The following HABP2 variants were observed in gnomAD, a reference collection of about 807,000 sequenced individuals.
HABP2 encodes the protein hyaluronan binding protein 2, also known as factor VII-activating protease.
HABP2 carries 65 observed loss-of-function variants against 66.5 expected under a neutral mutation model. The observed-to-expected ratio is 0.98, with a 90% CI of 0.80 to 1.20. HABP2 has a LOEUF of 1.20. HABP2 is among the 50% of genes most tolerant of loss of function. The pLI is 0.00. For missense variants in HABP2, 786 were observed against 691.0 expected (o/e 1.14, Z -1.54); for synonymous variants, 263 against 253.9 (o/e 1.04, Z -0.34).
chr10:113,583,521 G>T (rs1845580328), intron 10 of HABP2, among the ~76,000 whole-genome samples, 163 bp downstream of exon 10: 1 of 152,180 alleles, frequency 6.6e-6, no homozygotes, highest in South Asian at 2.1e-4. Flanking sequence ...GTTTTTGAGG[G>T]TATGTGCAAA....
At chr10:113,577,340 G>A in intron 5 of HABP2, 74 bp downstream of exon 5, 1 of 801,526 alleles carries the variant, frequency 1.2e-6, no homozygotes, top group East Asian at 2.5e-5. Context: ...TGCATGGAAG[G>A]CCAGATGCAT....
At chr10:113,562,205 G>A (rs1284312411) in intron 1 of HABP2, among the ~76,000 whole-genome samples, 1 of 152,222 alleles carries the variant, frequency 6.6e-6, no homozygotes, top group Non-Finnish European at 1.5e-5. Flanking sequence ...TTTAAGAGAA[G>A]ACGGGTCAGC....
Position 113,575,934 on chromosome 10 carries a change from C to G in HABP2, c.261C>G (p.Asp87Glu). Reference protein sequence around the residue: ...CQPNPCEHGGDCLVHGSTFTC... With the variant: ...CQPNPCEHGGECLVHGSTFTC... ...CCAACCCCTGTGAACACGGTGGGGA[C>G]TGCCTCGTCCATGGGAGCACCTTCA... The change falls in exon 4 of 13, where the codon GAC (aspartate) becomes GAG (glutamate). Residue 87 changes from aspartate (D) to glutamate (E), a missense_variant. By Grantham distance (45) the Asp-to-Glu change is conservative. Coordinates refer to ENST00000351270, the MANE Select transcript of HABP2 (RefSeq NM_004132.5). 6 of 1,612,150 alleles carry G rather than the reference C, an allele frequency of 3.7e-6. No homozygotes were observed. The highest frequency in any genetic ancestry group is 4.2e-6 in the Non-Finnish European group (5 of 1,178,172).
intron 2 of HABP2, among the ~76,000 whole-genome samples, chr10:113,568,674 G>A (rs1845246185): frequency 1.3e-5 from 2 of 152,176 alleles, no homozygotes; most frequent in South Asian, 4.1e-4. Flanking sequence ...CCACCCACAC[G>A]TGGAGTCCAG....
Position 113,578,135 on chromosome 10 carries a change from C to T in HABP2, c.558C>T (p.Phe186=), listed in dbSNP as rs1330079130. ...CACPDQFKGK[F]CEIGSDDCYV... is the part of the protein sequence containing the mutation. ...GTCCCGACCAGTTCAAGGGGAAATTCTGTGAAATAGGTATGGGTCTCTGCC... is the reference window on the plus strand; with the variant it reads ...GTCCCGACCAGTTCAAGGGGAAATTTTGTGAAATAGGTATGGGTCTCTGCC... The change falls in exon 6 of 13, where the codon TTC becomes TTT. Residue 186 remains phenylalanine, a synonymous_variant. Coordinates refer to ENST00000351270, the MANE Select transcript of HABP2 (RefSeq NM_004132.5). 1 of 1,614,132 alleles carries T rather than the reference C, an allele frequency of 6.2e-7. No homozygotes were observed. The highest frequency in any genetic ancestry group is 8.5e-7 in the Non-Finnish European group (1 of 1,179,988).
At chr10:113,579,772 T>G (rs1031864215) in intron 7 of HABP2, among the ~76,000 whole-genome samples, 3 of 151,512 alleles carry the variant, frequency 2.0e-5, no homozygotes, top group African/African-American at 7.3e-5. Flanking sequence ...TTTTTTTTTT[T>G]GTTTGTTTGT....
chr10:113,578,612 C>A lies in HABP2; in HGVS notation c.569-15C>A. On this transcript the variant is annotated splice_polypyrimidine_tract_variant and intron_variant, in intron 6 of 12. Coordinates refer to ENST00000351270, the MANE Select transcript of HABP2 (RefSeq NM_004132.5). ...ATGGCTGTTGGTTCTCACATTGCTA[C>A]CTGCTCTCTCGGAGGTTCTGATGAC... is the stretch of plus-strand genomic sequence containing the variant. The A allele has an allele frequency of 1.3e-6, 2 of 1,599,980 alleles. No individual in the cohort carries two copies. The highest frequency in any genetic ancestry group is 1.7e-4 in the Middle Eastern group (1 of 5,970).
At position 113,588,726 on chromosome 10, in the gene HABP2, AC is replaced by A; in HGVS notation, c.*359del. ...AGAATCCCCAGCATCAGCGGGAACC[AC>A]CATCACATCTTTATTCCTCAGCCCA... On this transcript the variant is annotated 3_prime_UTR_variant, in exon 13 of 13. Coordinates refer to ENST00000351270, the MANE Select transcript of HABP2 (RefSeq NM_004132.5). 1.8e-6 allele frequency: 1 copy of A among 553,434 alleles called. No individual in the cohort carries two copies. The highest frequency in any genetic ancestry group is 3.2e-6 in the Non-Finnish European group (1 of 314,458). The allele number at this position is 553,434 out of a possible 1,614,324, so 34.3% of individuals were successfully genotyped here. A position where few individuals can be genotyped will look rare whatever the true frequency, so the allele number is the denominator to read the frequency against.
At chr10:113,551,887 T>C (rs1267256457), upstream of HABP2, among the ~76,000 whole-genome samples, 1 of 151,682 alleles carries the variant, frequency 6.6e-6, no homozygotes, top group African/African-American at 2.4e-5. Flanking sequence ...TGGATGTTGA[T>C]GGTATAGGAG....
At chr10:113,576,591 C>T (rs924684264) in intron 4 of HABP2, among the ~76,000 whole-genome samples, 1 of 152,158 alleles carries the variant, frequency 6.6e-6, no homozygotes, top group South Asian at 2.1e-4. Context: ...GCTAATTTTA[C>T]CCCTAGAGAA....
intron 2 of HABP2, 62 bp downstream of exon 2, chr10:113,567,587 A>G: frequency 8.3e-7 from 1 of 1,205,586 alleles, no homozygotes; most frequent in Non-Finnish European, 1.2e-6. Context: ...GGCTGGTGAA[A>G]AGGAGGCCTA....
intron 12 of HABP2, among the ~76,000 whole-genome samples, chr10:113,586,721 C>T (rs1475189344): frequency 6.6e-6 from 1 of 152,146 alleles, no homozygotes; most frequent in African/African-American, 2.4e-5. Flanking sequence ...AGGAACACCT[C>T]CATTTAGAAT....
chr10:113,557,559 G>A (rs1845020041), intron 1 of HABP2, among the ~76,000 whole-genome samples: 1 of 152,108 alleles, frequency 6.6e-6, no homozygotes. Context: ...AGGTTTCCTG[G>A]CTTAGGACTT....
rs980790514 is a variant in HABP2, at chr10:113,588,607, A to AGTAT, written c.*241_*244dup. On this transcript the variant is annotated 3_prime_UTR_variant, in exon 13 of 13. Coordinates refer to ENST00000351270, the MANE Select transcript of HABP2 (RefSeq NM_004132.5). ...AGGAATGATGGAATCAACACAACAT[A>AGTAT]GTATGTTTGCTTTCCTTACCCAATT... The AGTAT allele has an allele frequency of 1.1e-4, 62 of 539,928 alleles. No individual in the cohort carries two copies. The highest frequency in any genetic ancestry group is 8.1e-4 in the African/African-American group (43 of 53,098). The allele number at this position is 539,928 out of a possible 1,614,324, so 33.4% of individuals were successfully genotyped here.
rs763138197 is a variant in HABP2 at position 113,574,252 on chromosome 10, GA to G, written c.107-36del. 69 of 1,032,030 alleles carry G rather than the reference GA, an allele frequency of 6.7e-5. 1 individual carries two copies. In the South Asian group the frequency reaches 8.0e-4, roughly 12 times the overall value. 63.9% of individuals were successfully genotyped at this position (1,032,030 alleles called of 1,614,324 possible). A position where few individuals can be genotyped will look rare whatever the true frequency, so the allele number is the denominator to read the frequency against. ...AAATGCTGGCCTATTTGAGTGTAAT[GA>G]TTAGGATTTCTTCTGTCCTGTTACC... On this transcript the variant is annotated intron_variant, in intron 2 of 12. Coordinates refer to ENST00000351270, the MANE Select transcript of HABP2 (RefSeq NM_004132.5).
rs545130572 is a variant in HABP2 at position 113,559,629 on chromosome 10, C to T, written c.69+6439C>T. Among the ~76,000 whole-genome samples, 60 of 152,330 alleles carry T rather than the reference C, an allele frequency of 3.9e-4. No homozygotes were observed. The South Asian group carries it at 7.3e-3, about 18-fold the overall frequency. On this transcript the variant is annotated intron_variant, in intron 1 of 12. Transcript: ENST00000351270. ...CAGACCCATGGACGCCAAACCTCTGCGGGTGGGCCCCAGGGATCTGTATTT... is the reference window on the plus strand; with the variant it reads ...CAGACCCATGGACGCCAAACCTCTGTGGGTGGGCCCCAGGGATCTGTATTT...
chr10:113,583,982 T>A (rs150990886), intron 10 of HABP2, among the ~76,000 whole-genome samples, 166 bp from the exon 11 acceptor site: 1 of 152,212 alleles, frequency 6.6e-6, no homozygotes, highest in African/African-American at 2.4e-5. Flanking sequence ...TGTTACTCCT[T>A]CCTGGGTGGA....
At chr10:113,562,394 A>C (rs4545483) in intron 1 of HABP2, among the ~76,000 whole-genome samples, 48,784 of 151,072 alleles carry the variant, frequency 0.32, 9,026 homozygotes, top group Non-Finnish European at 0.43. Context: ...ACTGGGGCCA[A>C]GTAGGCCCTC....
chr10:113,577,694 A>C (rs1472964069), intron 5 of HABP2, among the ~76,000 whole-genome samples: 1 of 152,232 alleles, frequency 6.6e-6, no homozygotes, highest in Non-Finnish European at 1.5e-5. Flanking sequence ...TCATGGCCAC[A>C]TGGGTATCAG....
Sources: gnomAD v4.1 joint callset for allele counts (sites outside exome capture counted in the v4.1 genomes callset) on GRCh38, gnomAD v4.1.1 for gene constraint, MANE v1.5 for transcripts, NCBI Gene and HGNC (gene_info 2026-07-23, HGNC 2026-07-21) for gene names.